The following SV2B variants were observed in gnomAD, a reference collection of about 807,000 sequenced individuals.
SV2B encodes the protein solute carrier family 22 member B2.
A neutral mutation model predicts 73.9 loss-of-function variants in SV2B; 41 were observed. That is an observed-to-expected ratio of 0.56 (90% CI 0.43 to 0.72). SV2B has a LOEUF of 0.72. Among genes scored for constraint, SV2B ranks in the 30% least tolerant of loss-of-function variants. The pLI, the probability that SV2B is intolerant of heterozygous loss-of-function variation, is 0.00. For missense variants in SV2B, 764 were observed against 857.8 expected (o/e 0.89, Z 1.37); for synonymous variants, 314 against 314.2 (o/e 1.00, Z 0.01).
intron 2 of SV2B, among the ~76,000 whole-genome samples, chr15:91,248,252 C>T (rs1000566387): frequency 4.6e-5 from 7 of 152,110 alleles, no homozygotes; most frequent in African/African-American, 1.7e-4. Context: ...ACCCGGGAGG[C>T]GGAGCTTGCA....
At chr15:91,198,657 C>G (rs1596565497) in intron 1 of SV2B, among the ~76,000 whole-genome samples, 1 of 152,140 alleles carries the variant, frequency 6.6e-6, no homozygotes, top group Admixed American at 6.5e-5. Context: ...TAACTGGGCC[C>G]AGGCCACAAA....
chr15:91,100,904 G>T lies in SV2B; in HGVS notation c.-392+541G>T, dbSNP rs1231507615. On this transcript the variant is annotated intron_variant, in intron 1 of 12. Transcript: ENST00000394232. The surrounding 1 kb of genome is among the most constrained non-coding windows in gnomAD (Gnocchi z 6.4). Reference sequence around the variant, plus strand: ...CACAGAAGGATTTGTTTATGGACGGGTTTTAGCGCAAGGGAAAGAAAATGA... The same window carrying T: ...CACAGAAGGATTTGTTTATGGACGGTTTTTAGCGCAAGGGAAAGAAAATGA... 6.6e-6 allele frequency among the ~76,000 whole-genome samples: 1 copy of T among 152,204 alleles called. No individual in the cohort carries two copies. Among genetic ancestry groups the T allele is most frequent in the African/African-American group, 2.4e-5 (1 of 41,446 alleles).
intron 1 of SV2B, among the ~76,000 whole-genome samples, chr15:91,107,892 G>T (rs1483087969): frequency 6.6e-6 from 1 of 152,194 alleles, no homozygotes; most frequent in Non-Finnish European, 1.5e-5. Flanking sequence ...TTATAGGTGT[G>T]AGTCACCATG....
At chr15:91,186,270 C>T (rs2044766008) in intron 1 of SV2B, among the ~76,000 whole-genome samples, 1 of 151,336 alleles carries the variant, frequency 6.6e-6, no homozygotes, top group Admixed American at 6.6e-5. Context: ...ATGTCATAAA[C>T]ATTTTATTTT....
At chr15:91,135,298 C>T (rs1288740775) in intron 1 of SV2B, among the ~76,000 whole-genome samples, 3 of 152,158 alleles carry the variant, frequency 2.0e-5, no homozygotes, top group Admixed American at 2.0e-4. Flanking sequence ...ATTTTCATCC[C>T]GTTGGAGGCA....
intron 1 of SV2B, among the ~76,000 whole-genome samples, chr15:91,120,973 A>G (rs1171724837): frequency 1.3e-5 from 2 of 152,194 alleles, no homozygotes; most frequent in East Asian, 3.8e-4. Context: ...GCACCCACTC[A>G]AGACTTTCTG....
rs2042238777 is a variant in SV2B at position 91,118,499 on chromosome 15, C to T, written c.-392+18136C>T. Among the ~76,000 whole-genome samples, 2 of 152,178 alleles carry T rather than the reference C, an allele frequency of 1.3e-5. No homozygotes were observed. Among genetic ancestry groups the T allele is most frequent in the South Asian group, 4.1e-4 (2 of 4,828 alleles). ...GTACAGAAAGCTCCACAGGAAGAAG[C>T]CTGATGTGTAGGGGAGGAGCAGGAG... On this transcript the variant is annotated intron_variant, in intron 1 of 12. Transcript: ENST00000394232. This position sits in a 1 kb window ranked among gnomAD's most constrained non-coding sequence, Gnocchi z 4.7.
At chr15:91,228,859 G>A (rs1361981072) in intron 2 of SV2B, among the ~76,000 whole-genome samples, 1 of 152,232 alleles carries the variant, frequency 6.6e-6, no homozygotes, top group Non-Finnish European at 1.5e-5. Flanking sequence ...ATGATTTGAG[G>A]ATTTCATGAG....
In SV2B at chr15:91,295,512, TC is replaced by T. The variant is rs2049189706; in HGVS notation, c.*2962del. 1 of 152,208 alleles carries T rather than the reference TC, an allele frequency of 6.6e-6. No homozygotes were observed. Among genetic ancestry groups the T allele is most frequent in the Admixed American group, 6.5e-5 (1 of 15,284 alleles). 9.4% of individuals were successfully genotyped at this position (152,208 alleles called of 1,614,324 possible). ...GCTGGGAGAAACATTGAGAATCGCT[TC>T]CTTCAACTTTTATTTTGCAACATGG... On this transcript the variant is annotated 3_prime_UTR_variant, in exon 13 of 13. Transcript: ENST00000394232.
In SV2B at chr15:91,225,855, C is replaced by A; in HGVS notation, c.-391-18C>A. The stretch of plus-strand genomic sequence containing the variant: ...CAACCTTTGTAAATTCTTCTCTATC[C>A]CTTCTCTCTGTTCTCAGAGCATAAC... On this transcript the variant is annotated intron_variant, in intron 1 of 12. Transcript: ENST00000394232. 5.4e-6 allele frequency: 1 copy of A among 186,782 alleles called. No homozygotes were observed. The highest frequency in any genetic ancestry group is 1.1e-5 in the Non-Finnish European group (1 of 92,744). 11.6% of individuals were successfully genotyped at this position (186,782 alleles called of 1,614,324 possible).
chr15:91,226,250 C>T lies in SV2B; in HGVS notation c.-14C>T, dbSNP rs117484961. 6.1e-3 allele frequency: 9,780 copies of T among 1,613,562 alleles called. 42 individuals are homozygous for T. Among genetic ancestry groups the T allele is most frequent in the Non-Finnish European group, 7.4e-3 (8,724 of 1,179,756 alleles). On this transcript the variant is annotated 5_prime_UTR_variant, in exon 2 of 13. Transcript: ENST00000394232. The stretch of plus-strand genomic sequence containing the variant: ...ATAGCTCAAGGGGCAACCAGGCAGT[C>T]GCAGAACCAAGGAATGGATGACTAC...
In SV2B at chr15:91,240,811, C is replaced by T. The variant is rs889974885; in HGVS notation, c.452-11008C>T. On this transcript the variant is annotated intron_variant, in intron 2 of 12. Transcript: ENST00000394232. This position sits in a 1 kb window ranked among gnomAD's most constrained non-coding sequence, Gnocchi z 4.6. ...ATGCCTCCGTTCCCCTATGTTTCCC[C>T]CTTCTCCTCTGAGGATGTTAATTAG... Among the ~76,000 whole-genome samples, 2 of 152,180 alleles carry T rather than the reference C, an allele frequency of 1.3e-5. No homozygotes were observed. Among genetic ancestry groups the T allele is most frequent in the Non-Finnish European group, 2.9e-5 (2 of 68,030 alleles).
chr15:91,100,490 C>G lies in SV2B; in HGVS notation c.-392+127C>G, dbSNP rs2041691966. 1.3e-5 allele frequency: 2 copies of G among 152,266 alleles called. No individual in the cohort carries two copies. Among genetic ancestry groups the G allele is most frequent in the African/African-American group, 4.8e-5 (2 of 41,476 alleles). The allele number at this position is 152,266 out of a possible 1,614,324, so 9.4% of individuals were successfully genotyped here. ...CACGCTCGCACAGCTGAGTGCTGTT[C>G]ATAGTAAATGGCACAAAAGATCGGA... On this transcript the variant is annotated intron_variant, in intron 1 of 12. Transcript: ENST00000394232. The surrounding 1 kb of genome is among the most constrained non-coding windows in gnomAD (Gnocchi z 6.4).
In SV2B at chr15:91,260,353, A is replaced by C; in HGVS notation, c.952A>C (p.Lys318Gln). The C allele has an allele frequency of 6.2e-7, 1 of 1,613,574 alleles. No homozygotes were observed. The highest frequency in any genetic ancestry group is 8.5e-7 in the Non-Finnish European group (1 of 1,179,814). ...ACATGATGAAGCCTGGATGATTCTCAAGCAAGTCCATGACACCAACATGAG... is the reference window on the plus strand; with the variant it reads ...ACATGATGAAGCCTGGATGATTCTCCAGCAAGTCCATGACACCAACATGAG... The part of the protein sequence containing the change: ...GKHDEAWMIL[K>Q]QVHDTNMRAK... Residue 318 changes from lysine to glutamine, a missense_variant, in exon 6 of 13, where the codon AAG becomes CAG. By Grantham distance (53) the Lys-to-Gln change is moderately conservative. Transcript: ENST00000394232.
At position 91,298,265 on chromosome 15, in the gene SV2B, TCTCTAAGTGGA is replaced by T. The variant is rs1233910328; in HGVS notation, c.*5718_*5728del. The stretch of plus-strand genomic sequence containing the variant: ...TCTTGTGCTATGCTAGGTCTCTCTC[TCTCTAAGTGGA>T]CTCTGACCCTGTCCAAAACATTGTG... On this transcript the variant is annotated 3_prime_UTR_variant, in exon 13 of 13. Transcript: ENST00000394232. The surrounding 1 kb of genome is among the most constrained non-coding windows in gnomAD (Gnocchi z 5.4). 2.0e-5 allele frequency: 3 copies of T among 152,238 alleles called. No individual in the cohort carries two copies. Among genetic ancestry groups the T allele is most frequent in the Admixed American group, 6.5e-5 (1 of 15,278 alleles). The allele number at this position is 152,238 out of a possible 1,614,324, so 9.4% of individuals were successfully genotyped here.
rs901729681 is a variant in SV2B at position 91,236,976 on chromosome 15, T to A, written c.451+10262T>A. On this transcript the variant is annotated intron_variant, in intron 2 of 12. Coordinates refer to ENST00000394232, the MANE Select transcript of SV2B (RefSeq NM_001323032.3). The surrounding 1 kb of genome is among the most constrained non-coding windows in gnomAD (Gnocchi z 4.1). ...TTTAACCTGTTGGCTTGGAAAGAGATCTTGAGAGAGAAAGACAAGCAGAAG... is the reference window on the plus strand; with the variant it reads ...TTTAACCTGTTGGCTTGGAAAGAGAACTTGAGAGAGAAAGACAAGCAGAAG... Among the ~76,000 whole-genome samples the A allele has an allele frequency of 2.0e-5, 3 of 151,660 alleles. No individual in the cohort carries two copies. The highest frequency in any genetic ancestry group is 4.8e-5 in the African/African-American group (2 of 41,266).
rs1237023283 is a variant in SV2B, at chr15:91,128,522, G to A, written c.-392+28159G>A. Reference sequence around the variant, plus strand: ...AAGCGAAAGTGTTTTTCTCCTCCCCGTCTGTCTCTCAGTCCCAGTCTCTCT... The same window carrying A: ...AAGCGAAAGTGTTTTTCTCCTCCCCATCTGTCTCTCAGTCCCAGTCTCTCT... On this transcript the variant is annotated intron_variant, in intron 1 of 12. Transcript: ENST00000394232. This position sits in a 1 kb window ranked among gnomAD's most constrained non-coding sequence, Gnocchi z 4.2. 5.3e-5 allele frequency among the ~76,000 whole-genome samples: 8 copies of A among 152,030 alleles called. No homozygotes were observed. In the East Asian group the frequency reaches 5.8e-4, roughly 11 times the overall value.
In SV2B at chr15:91,206,624, C is replaced by G. The variant is rs191329362; in HGVS notation, c.-391-19249C>G. Among the ~76,000 whole-genome samples, 34 of 152,236 alleles carry G rather than the reference C, an allele frequency of 2.2e-4. No homozygotes were observed. The East Asian group carries it at 6.4e-3, about 29-fold the overall frequency. ...GTTGTGGGCAATGCCTGCTTGGAAG[C>G]TAATAGTCATAAAAATGTTTTGAAT... On this transcript the variant is annotated intron_variant, in intron 1 of 12. Transcript: ENST00000394232.
At position 91,281,874 on chromosome 15, in the gene SV2B, A is replaced by G; in HGVS notation, c.1507+13A>G. 1.3e-6 allele frequency: 2 copies of G among 1,598,804 alleles called. No homozygotes were observed. Among genetic ancestry groups the G allele is most frequent in the Non-Finnish European group, 1.7e-6 (2 of 1,170,156 alleles). On this transcript the variant is annotated intron_variant, in intron 10 of 12. Transcript: ENST00000394232. This position sits in a 1 kb window ranked among gnomAD's most constrained non-coding sequence, Gnocchi z 4.7. ...TTTTACAACACAGGTAGGTAAGAACATTGACAGATTGAATAGAAAGTAACA... is the reference window on the plus strand; with the variant it reads ...TTTTACAACACAGGTAGGTAAGAACGTTGACAGATTGAATAGAAAGTAACA...
Sources: gnomAD v4.1 joint callset for allele counts (sites outside exome capture counted in the v4.1 genomes callset) on GRCh38, gnomAD v4.1.1 for gene constraint, Gnocchi (gnomAD v3.1) non-coding constraint, MANE v1.5 for transcripts, NCBI Gene and HGNC (gene_info 2026-07-23, HGNC 2026-07-21) for gene names.